GALNTL6: variants seen among roughly 807,000 people sequenced by gnomAD.
GALNTL6 encodes polypeptide N-acetylgalactosaminyltransferase like 6.
A neutral mutation model predicts 73.7 loss-of-function variants in GALNTL6; 46 were observed. That is an observed-to-expected ratio of 0.62 (90% CI 0.49 to 0.80). GALNTL6 has a LOEUF of 0.80. GALNTL6 is among the 30% of genes least tolerant of loss of function. The probability of loss-of-function intolerance (pLI) is 0.00; values close to 1 mark genes in which losing one functional copy is unlikely to be tolerated. For missense variants in GALNTL6, 604 were observed against 755.0 expected (o/e 0.80, Z 2.34); for synonymous variants, 259 against 263.7 (o/e 0.98, Z 0.17).
At chr4:172,953,691 A>G (rs1054734114) in intron 10 of GALNTL6, among the ~76,000 whole-genome samples, 1 of 152,210 alleles carries the variant, frequency 6.6e-6, no homozygotes, top group Non-Finnish European at 1.5e-5. Context: ...GACACCCAGG[A>G]TGAAGGAAAG....
At position 171,849,206 on chromosome 4, in the gene GALNTL6, G is replaced by C. The variant is rs554888256; in HGVS notation, c.138+34488G>C. 3.5e-4 allele frequency among the ~76,000 whole-genome samples: 53 copies of C among 152,264 alleles called. 1 individual carries two copies. The South Asian group carries it at 0.011, about 31-fold the overall frequency. On this transcript the variant is annotated intron_variant, in intron 2 of 12. Coordinates refer to ENST00000506823, the MANE Select transcript of GALNTL6 (RefSeq NM_001034845.3). ...ATTCTTCCTTTCGCTTCAACACTTA[G>C]AAGCCGTTGCAGGGTTCTAAACTGG...
chr4:172,563,479 TAA>T (rs1736450928), intron 5 of GALNTL6, among the ~76,000 whole-genome samples: 5 of 152,344 alleles, frequency 3.3e-5, no homozygotes, highest in Admixed American at 3.3e-4. Flanking sequence ...ATGTCATAGC[TAA>T]AATATCCCTC....
intron 2 of GALNTL6, among the ~76,000 whole-genome samples, chr4:172,054,157 C>T: frequency 6.6e-6 from 1 of 151,960 alleles, no homozygotes; most frequent in East Asian, 1.9e-4. Flanking sequence ...ATCTAATATT[C>T]ATACTTAATT....
chr4:172,165,549 A>G (rs77612319), intron 2 of GALNTL6, among the ~76,000 whole-genome samples: 5,158 of 152,292 alleles, frequency 0.034, 121 homozygotes, highest in Non-Finnish European at 0.056. Context: ...AAATGCAAAT[A>G]TATTTCCTTT....
intron 3 of GALNTL6, among the ~76,000 whole-genome samples, chr4:172,280,238 T>A (rs1032496638): frequency 5.3e-5 from 8 of 152,128 alleles, no homozygotes; most frequent in Non-Finnish European, 1.2e-4. Flanking sequence ...AGTATATGTA[T>A]TTTACCACAA....
chr4:172,313,532 C>T (rs1234981481), intron 4 of GALNTL6, among the ~76,000 whole-genome samples: 1 of 152,072 alleles, frequency 6.6e-6, no homozygotes, highest in Non-Finnish European at 1.5e-5. Flanking sequence ...ACAGTTATTC[C>T]CATTCTTCTC....
intron 10 of GALNTL6, among the ~76,000 whole-genome samples, chr4:172,991,501 G>A (rs531608315): frequency 6.6e-6 from 1 of 152,090 alleles, no homozygotes; most frequent in South Asian, 2.1e-4. Context: ...CCAGGTTCAA[G>A]CGATTCTCCT....
chr4:172,958,470 G>C (rs1002410412), intron 10 of GALNTL6, among the ~76,000 whole-genome samples: 3 of 152,148 alleles, frequency 2.0e-5, no homozygotes, highest in African/African-American at 7.2e-5. Flanking sequence ...TTTAGGATCT[G>C]TGGGGTCAGC....
At chr4:172,351,181 G>GTCTGTCTGTCTGTCTA (rs139731159) in intron 5 of GALNTL6, among the ~76,000 whole-genome samples, 21 of 122,606 alleles carry the variant, frequency 1.7e-4, no homozygotes, top group African/African-American at 4.3e-4. Flanking sequence ...ACAATAATCT[G>GTCTGTCTGTCTGTCTA]TCTATCTATC....
chr4:172,297,329 T>G (rs1739718399), intron 3 of GALNTL6, among the ~76,000 whole-genome samples: 1 of 152,086 alleles, frequency 6.6e-6, no homozygotes, highest in Non-Finnish European at 1.5e-5. Flanking sequence ...GATGGTAGAT[T>G]CTTTTGCTGT....
At chr4:172,798,114 C>G (rs997106244) in intron 5 of GALNTL6, among the ~76,000 whole-genome samples, 2 of 152,096 alleles carry the variant, frequency 1.3e-5, no homozygotes, top group Non-Finnish European at 2.9e-5. Flanking sequence ...TATTCACTTA[C>G]AATCATTTAG....
chr4:172,575,139 G>T (rs113052511), intron 5 of GALNTL6, among the ~76,000 whole-genome samples: 87 of 152,254 alleles, frequency 5.7e-4, no homozygotes, highest in African/African-American at 2.0e-3. Flanking sequence ...ATACAACTCT[G>T]CCTTCATGAC....
At chr4:172,293,604 G>A (rs1045332795) in intron 3 of GALNTL6, among the ~76,000 whole-genome samples, 6 of 152,144 alleles carry the variant, frequency 3.9e-5, no homozygotes, top group African/African-American at 1.4e-4. Context: ...TCTGTTCTGC[G>A]TAGTCACTGT....
intron 5 of GALNTL6, among the ~76,000 whole-genome samples, chr4:172,395,006 T>C (rs1177070929): frequency 2.6e-5 from 4 of 152,220 alleles, no homozygotes; most frequent in African/African-American, 7.2e-5. Context: ...AACAGCAGTT[T>C]CTTTCTCTAT....
intron 5 of GALNTL6, among the ~76,000 whole-genome samples, chr4:172,565,880 G>A (rs1736536791): frequency 6.6e-6 from 1 of 152,070 alleles, no homozygotes; most frequent in African/African-American, 2.4e-5. Context: ...GAGAGCAAGA[G>A]TGATGATACT....
Position 172,566,226 on chromosome 4 carries a change from A to G in GALNTL6, c.553+217537A>G, listed in dbSNP as rs535682941. Among the ~76,000 whole-genome samples the G allele has an allele frequency of 7.9e-5, 12 of 152,330 alleles. No individual in the cohort carries two copies. The East Asian group carries it at 1.3e-3, about 17-fold the overall frequency. ...TACAGATACAAAATATACCACCAACAGTATCAGAATACACATTCTTCTCAA... is the reference window on the plus strand; with the variant it reads ...TACAGATACAAAATATACCACCAACGGTATCAGAATACACATTCTTCTCAA... On this transcript the variant is annotated intron_variant, in intron 5 of 12. Transcript: ENST00000506823.
At chr4:172,610,176 A>T (rs916629469) in intron 5 of GALNTL6, among the ~76,000 whole-genome samples, 1 of 151,662 alleles carries the variant, frequency 6.6e-6, no homozygotes, top group Non-Finnish European at 1.5e-5. Flanking sequence ...GTGGTTTTTC[A>T]TGTCTTAATC....
rs1739802443 is a variant in GALNTL6, at chr4:172,788,576, G to A, written c.554-20785G>A. On this transcript the variant is annotated intron_variant, in intron 5 of 12. Coordinates refer to ENST00000506823, the MANE Select transcript of GALNTL6 (RefSeq NM_001034845.3). ...AGTCCCAGCTACTCGGGAGGCTGAG[G>A]CAGGAGAATGCCGTGAAACCGGGAG... Among the ~76,000 whole-genome samples the A allele has an allele frequency of 2.6e-5, 4 of 151,118 alleles. No homozygotes were observed. In the South Asian group the frequency reaches 8.4e-4, roughly 32 times the overall value.
intron 2 of GALNTL6, among the ~76,000 whole-genome samples, chr4:171,953,456 T>C (rs1738949720): frequency 6.6e-6 from 1 of 152,148 alleles, no homozygotes; most frequent in Non-Finnish European, 1.5e-5. Context: ...TTGATCAGAA[T>C]TGGCATTGCA....
Sources: gnomAD v4.1 joint callset for allele counts (sites outside exome capture counted in the v4.1 genomes callset) on GRCh38, gnomAD v4.1.1 for gene constraint, MANE v1.5 for transcripts, NCBI Gene and HGNC (gene_info 2026-07-23, HGNC 2026-07-21) for gene names.